PIK3C3: variants seen among roughly 807,000 people sequenced by gnomAD.
PIK3C3 encodes phosphatidylinositol 3-kinase catalytic subunit type 3, also known as PI3-kinase type 3.
A neutral mutation model predicts 126.1 loss-of-function variants in PIK3C3; 95 were observed. The observed-to-expected ratio is 0.75, with a 90% CI of 0.64 to 0.89. The LOEUF (loss-of-function observed/expected upper bound fraction) is 0.89, where lower values mean the gene tolerates loss of function less well. Among genes scored for constraint, PIK3C3 ranks in the 40% least tolerant of loss-of-function variants. PIK3C3 has a pLI of 0.00. For synonymous variants in PIK3C3, 374 were observed against 360.0 expected, an observed-to-expected ratio of 1.04 and a Z score of -0.44; for missense variants, 829 against 1,063.2, an observed-to-expected ratio of 0.78 and a Z score of 3.06.
At chr18:42,029,534 ATTTTTTTTTTTTTT>A (rs57593886) in intron 15 of PIK3C3, 93 bp downstream of exon 15, 11 of 212,756 alleles carry the variant, frequency 5.2e-5, no homozygotes, top group East Asian at 9.6e-5. Context: ...TGATACGTGA[ATTTTTTTTTTTTTT>A]TTTTTTTTTT....
chr18:41,966,118 A>AGT (rs1304898730), intron 3 of PIK3C3, among the ~76,000 whole-genome samples: 2 of 149,920 alleles, frequency 1.3e-5, no homozygotes, highest in East Asian at 3.9e-4. Flanking sequence ...CTCCAACTTG[A>AGT]GTCATTTACT....
At chr18:42,006,632 A>C (rs1173034272) in intron 10 of PIK3C3, among the ~76,000 whole-genome samples, 1 of 152,176 alleles carries the variant, frequency 6.6e-6, no homozygotes, top group East Asian at 1.9e-4. Flanking sequence ...CAATGCCAGC[A>C]TGCTATATTT....
chr18:41,985,075 A>G (rs1981398879), intron 4 of PIK3C3: 1 of 152,166 alleles, frequency 6.6e-6, no homozygotes, highest in Admixed American at 6.5e-5. Flanking sequence ...TATCCCGGCT[A>G]AGCCCACCCT....
chr18:42,013,409 C>T, intron 10 of PIK3C3, 33 bp from the exon 11 acceptor site: 2 of 1,292,850 alleles, frequency 1.5e-6, no homozygotes, highest in East Asian at 2.7e-5. Context: ...GCATTCTTTT[C>T]CTAATATTAC....
intron 12 of PIK3C3, among the ~76,000 whole-genome samples, chr18:42,019,824 A>C (rs559641181): frequency 1.3e-5 from 2 of 152,224 alleles, no homozygotes; most frequent in African/African-American, 4.8e-5. Flanking sequence ...CTCTTACTCT[A>C]TAGATAGGCA....
chr18:41,993,564 C>T (rs1981883536), intron 7 of PIK3C3, among the ~76,000 whole-genome samples: 1 of 151,834 alleles, frequency 6.6e-6, no homozygotes, highest in African/African-American at 2.4e-5. Context: ...GTTGGGCATC[C>T]ACTTTGTTTG....
chr18:42,042,095 C>T (rs1015670779), intron 19 of PIK3C3, among the ~76,000 whole-genome samples: 1 of 152,204 alleles, frequency 6.6e-6, no homozygotes, highest in Admixed American at 6.5e-5. Context: ...AAACAATCCA[C>T]TTTCCTTCTG....
chr18:42,035,830 A>G (rs1021598005), intron 16 of PIK3C3, among the ~76,000 whole-genome samples: 5 of 152,144 alleles, frequency 3.3e-5, no homozygotes, highest in African/African-American at 4.8e-5. Flanking sequence ...TGAAAAGGCT[A>G]GGGACCCTTA....
chr18:41,984,706 A>C (rs1402115414), intron 4 of PIK3C3, among the ~76,000 whole-genome samples: 5 of 152,140 alleles, frequency 3.3e-5, no homozygotes, highest in Non-Finnish European at 7.4e-5. Flanking sequence ...TAAACTCTAC[A>C]CACCTGCTCC....
intron 24 of PIK3C3, 136 bp downstream of exon 24, chr18:42,067,649 C>A: frequency 1.2e-6 from 1 of 861,420 alleles, no homozygotes; most frequent in Non-Finnish European, 1.8e-6. Flanking sequence ...ATCTCACCAG[C>A]CAGCTGAAGT....
At chr18:41,984,811 A>G (rs1981384082) in intron 4 of PIK3C3, 1 of 152,190 alleles carries the variant, frequency 6.6e-6, no homozygotes, top group East Asian at 1.9e-4. Flanking sequence ...TCAATGAAAT[A>G]TGCCTTCTGA....
At chr18:41,986,856 C>A (rs1981504879) in intron 4 of PIK3C3, among the ~76,000 whole-genome samples, 1 of 151,916 alleles carries the variant, frequency 6.6e-6, no homozygotes, top group Non-Finnish European at 1.5e-5. Context: ...GAACTTCAGA[C>A]TTTTTGTGTG....
chr18:41,965,010 T>C (rs1163153692), intron 3 of PIK3C3, among the ~76,000 whole-genome samples: 2 of 152,238 alleles, frequency 1.3e-5, no homozygotes, highest in Non-Finnish European at 2.9e-5. Flanking sequence ...TTTTAAAATA[T>C]ACTTTTTGAT....
In PIK3C3 at chr18:42,081,453, ATAGTAAAACATTT is replaced by A. The variant is rs1412051603; in HGVS notation, c.*321_*333del. 2.2e-5 allele frequency: 6 copies of A among 278,698 alleles called. No individual in the cohort carries two copies. The highest frequency in any genetic ancestry group is 3.3e-5 in the Non-Finnish European group (5 of 150,364). The allele number at this position is 278,698 out of a possible 1,614,324, so 17.3% of individuals were successfully genotyped here. On this transcript the variant is annotated 3_prime_UTR_variant, in exon 25 of 25. Transcript: ENST00000262039. ...GTTCTGGAGGAAGTAATATGTTGAA[ATAGTAAAACATTT>A]TAGTTTTTGAGTTTAAAATGTTATT...
chr18:42,013,718 A>G (rs1441805925), intron 11 of PIK3C3, 122 bp downstream of exon 11: 5 of 702,580 alleles, frequency 7.1e-6, no homozygotes, highest in Non-Finnish European at 9.8e-6. Flanking sequence ...AAGTTTTACT[A>G]GTGAATATTG....
intron 12 of PIK3C3, among the ~76,000 whole-genome samples, chr18:42,019,021 A>C (rs1243022752): frequency 2.6e-5 from 4 of 151,978 alleles, no homozygotes; most frequent in African/African-American, 9.7e-5. Context: ...TCTGTTCTTC[A>C]TGCCCCGCCT....
chr18:42,008,833 T>C (rs897936390), intron 10 of PIK3C3, among the ~76,000 whole-genome samples: 1 of 152,142 alleles, frequency 6.6e-6, no homozygotes, highest in Non-Finnish European at 1.5e-5. Flanking sequence ...AAGGAAAGTA[T>C]AGTTTGAATA....
intron 24 of PIK3C3, among the ~76,000 whole-genome samples, chr18:42,072,299 A>G (rs1485858863): frequency 3.9e-5 from 6 of 152,216 alleles, no homozygotes; most frequent in African/African-American, 9.6e-5. Flanking sequence ...ATATTTCAGC[A>G]TAAAAGAAAC....
chr18:41,989,551 T>C lies in PIK3C3; in HGVS notation c.619-908T>C, dbSNP rs187400473. 9.6e-4 allele frequency among the ~76,000 whole-genome samples: 146 copies of C among 152,306 alleles called. 2 individuals are homozygous for C. The highest frequency in any genetic ancestry group is 9.4e-3 in the Admixed American group (144 of 15,290). ...TCCGTAAGATTATAGTACTTTATTT[T>C]TACTGTACTTTTTCTCTTTTAGGTA... On this transcript the variant is annotated intron_variant, in intron 5 of 24. Transcript: ENST00000262039.
Sources: gnomAD v4.1 joint callset for allele counts (sites outside exome capture counted in the v4.1 genomes callset) on GRCh38, gnomAD v4.1.1 for gene constraint, MANE v1.5 for transcripts, NCBI Gene and HGNC (gene_info 2026-07-23, HGNC 2026-07-21) for gene names.